Variants in FBXO28 observed in about 807,000 individuals in gnomAD.
The protein encoded by FBXO28 is F-box only protein 28.
Under a neutral mutation model 38.1 loss-of-function variants are expected in FBXO28, and 8 were observed. The observed-to-expected ratio is 0.21, with a 90% CI of 0.12 to 0.38. FBXO28 has a LOEUF of 0.38. Ranked by LOEUF, FBXO28 falls within the 10% of genes least tolerant of loss-of-function variation. The probability of loss-of-function intolerance (pLI) is 1.00; values close to 1 mark genes in which losing one functional copy is unlikely to be tolerated. For missense variants in FBXO28, 345 were observed against 460.6 expected (o/e 0.75, Z 2.30); for synonymous variants, 168 against 173.8 (o/e 0.97, Z 0.26).
intron 3 of FBXO28, among the ~76,000 whole-genome samples, chr1:224,151,669 C>G (rs1277690168): frequency 1.3e-5 from 2 of 152,124 alleles, no homozygotes; most frequent in African/African-American, 4.8e-5. Flanking sequence ...ATTTTGGTGA[C>G]AGAATGGTTT....
chr1:224,159,977 A>G lies in FBXO28; in HGVS notation c.*2231A>G, dbSNP rs2102640267. ...CAAAATCCAAATTTCTATTGCATAC[A>G]CTTATAATCATCTATTCATAAAGCT... On this transcript the variant is annotated 3_prime_UTR_variant, in exon 5 of 5. Coordinates refer to ENST00000366862, the MANE Select transcript of FBXO28 (RefSeq NM_015176.4). 6.6e-6 allele frequency: 1 copy of G among 152,346 alleles called. No homozygotes were observed. The highest frequency in any genetic ancestry group is 2.4e-5 in the African/African-American group (1 of 41,592). The allele number at this position is 152,346 out of a possible 1,614,324, so 9.4% of individuals were successfully genotyped here. A position where few individuals can be genotyped will look rare whatever the true frequency, so the allele number is the denominator to read the frequency against.
intron 4 of FBXO28, among the ~76,000 whole-genome samples, chr1:224,156,737 C>T (rs1241025413): frequency 1.3e-5 from 2 of 152,186 alleles, no homozygotes; most frequent in African/African-American, 2.4e-5. Flanking sequence ...CAGTGGCTCA[C>T]GCCTGTAATC....
intron 2 of FBXO28, 179 bp downstream of exon 2, chr1:224,130,760 A>C (rs1490728507): frequency 4.0e-6 from 2 of 499,754 alleles, no homozygotes; most frequent in African/African-American, 3.9e-5. Flanking sequence ...TCAACATTTT[A>C]CTGGAGGTTC....
intron 4 of FBXO28, among the ~76,000 whole-genome samples, chr1:224,155,427 A>C (rs1482485617): frequency 6.6e-6 from 1 of 152,068 alleles, no homozygotes; most frequent in Non-Finnish European, 1.5e-5. Context: ...GGCCTCCCAA[A>C]GTGCTGGGAT....
At chr1:224,153,875 C>T (rs1055819119) in intron 4 of FBXO28, among the ~76,000 whole-genome samples, 5 of 151,136 alleles carry the variant, frequency 3.3e-5, no homozygotes, top group African/African-American at 7.3e-5. Context: ...GAGCCAGATT[C>T]GCGCCATTGC....
chr1:224,133,940 A>C, intron 2 of FBXO28, 134 bp from the exon 3 acceptor site: 1 of 579,008 alleles, frequency 1.7e-6, no homozygotes, highest in Non-Finnish European at 2.7e-6. Context: ...ATTACAGTTA[A>C]ATTATGACCC....
chr1:224,148,842 T>G (rs1333880715), intron 3 of FBXO28, among the ~76,000 whole-genome samples: 1 of 23,716 alleles, frequency 4.2e-5, no homozygotes, highest in Non-Finnish European at 7.9e-5. Context: ...TAACTTCCCT[T>G]ACCTGTTGAA....
intron 1 of FBXO28, among the ~76,000 whole-genome samples, chr1:224,129,607 A>G (rs1656988679): frequency 6.6e-6 from 1 of 152,236 alleles, no homozygotes; most frequent in Non-Finnish European, 1.5e-5. Flanking sequence ...TAATGGGAAT[A>G]CATTCAGAAT....
At position 224,157,719 on chromosome 1, in the gene FBXO28, A is replaced by G. The variant is rs1445644819; in HGVS notation, c.1080A>G (p.Lys360=). ...CGGAAGCCATAGACTCTCTTAGGAA[A>G]TCTAAACGTCTTCGGAATAGAAAGT... ...KATEAIDSLR[K]SKRLRNRK is the part of the protein sequence containing the mutation. The change falls in exon 5 of 5, where the codon AAA becomes AAG. Residue 360 remains lysine (K), a synonymous_variant. Transcript: ENST00000366862. 16 of 1,605,554 alleles carry G rather than the reference A, an allele frequency of 1.0e-5. No individual in the cohort carries two copies. Among genetic ancestry groups the G allele is most frequent in the Middle Eastern group, 1.7e-4 (1 of 5,994 alleles).
chr1:224,119,680 T>G (rs1656728163), intron 1 of FBXO28, among the ~76,000 whole-genome samples: 1 of 152,142 alleles, frequency 6.6e-6, no homozygotes, highest in Non-Finnish European at 1.5e-5. Context: ...ATGGTAAATA[T>G]GAGTGTTGAG....
intron 3 of FBXO28, among the ~76,000 whole-genome samples, chr1:224,148,492 T>A (rs1165407849): frequency 2.0e-5 from 3 of 151,002 alleles, no homozygotes; most frequent in Non-Finnish European, 4.4e-5. Flanking sequence ...CTACTAAAAA[T>A]ACAAAAAAAA....
intron 3 of FBXO28, among the ~76,000 whole-genome samples, chr1:224,136,351 A>G (rs940510339): frequency 6.6e-6 from 1 of 151,932 alleles, no homozygotes; most frequent in Non-Finnish European, 1.5e-5. Context: ...TTTTCAGTCT[A>G]ACATATAATC....
At chr1:224,135,069 A>G (rs1657141857) in intron 3 of FBXO28, among the ~76,000 whole-genome samples, 1 of 152,174 alleles carries the variant, frequency 6.6e-6, no homozygotes, top group Non-Finnish European at 1.5e-5. Flanking sequence ...TTATGATTGT[A>G]TTTGAAATAT....
At chr1:224,150,176 T>G (rs1167186432) in intron 3 of FBXO28, among the ~76,000 whole-genome samples, 1 of 152,070 alleles carries the variant, frequency 6.6e-6, no homozygotes, top group Non-Finnish European at 1.5e-5. Context: ...ATACAAAAAT[T>G]AGCCAGGCTT....
intron 2 of FBXO28, among the ~76,000 whole-genome samples, chr1:224,133,606 C>T (rs745956809): frequency 3.3e-5 from 5 of 152,082 alleles, no homozygotes; most frequent in Non-Finnish European, 5.9e-5. Context: ...CAACCTCCGA[C>T]GCCCGGGTTC....
In FBXO28 at chr1:224,126,399, C is replaced by T. The variant is rs146909985; in HGVS notation, c.268-4073C>T. ...AATATATTGCTGCTAAAAATTATTTCTTCTCAGAAATTATCAACAAGGTTG... is the reference window on the plus strand; with the variant it reads ...AATATATTGCTGCTAAAAATTATTTTTTCTCAGAAATTATCAACAAGGTTG... On this transcript the variant is annotated intron_variant, in intron 1 of 4. Transcript: ENST00000366862. Among the ~76,000 whole-genome samples the T allele has an allele frequency of 1.1e-4, 16 of 152,296 alleles. No homozygotes were observed. In the East Asian group the frequency reaches 3.1e-3, roughly 29 times the overall value.
At chr1:224,127,210 TTA>T (rs1321162329) in intron 1 of FBXO28, among the ~76,000 whole-genome samples, 2 of 138,772 alleles carry the variant, frequency 1.4e-5, no homozygotes, top group Admixed American at 7.4e-5. Context: ...GTGTGTGTGT[TTA>T]TGTTTGGCAC....
rs546374248 is a variant in FBXO28, at chr1:224,120,750, C to A, written c.267+6354C>A. ...TGGTGGCGGGCACTTGTAATCCCAG[C>A]TACTCAGGAGGCTGAGGCAGGAGAA... On this transcript the variant is annotated intron_variant, in intron 1 of 4. Transcript: ENST00000366862. 7.2e-5 allele frequency among the ~76,000 whole-genome samples: 11 copies of A among 151,994 alleles called. No individual in the cohort carries two copies. The East Asian group carries it at 2.1e-3, about 29-fold the overall frequency.
rs981061294 is a variant in FBXO28 at position 224,137,830 on chromosome 1, A to G, written c.516+3618A>G. 1.6e-4 allele frequency among the ~76,000 whole-genome samples: 24 copies of G among 151,830 alleles called. 1 individual carries two copies. The highest frequency in any genetic ancestry group is 1.1e-3 in the Admixed American group (17 of 15,264). On this transcript the variant is annotated intron_variant, in intron 3 of 4. Transcript: ENST00000366862. ...TTCAAACCTACAGGTTACCTCTCCA[A>G]TTGCAGGCAAGCTAGATCATTGCCC...
Sources: gnomAD v4.1 joint callset for allele counts (sites outside exome capture counted in the v4.1 genomes callset) on GRCh38, gnomAD v4.1.1 for gene constraint, MANE v1.5 for transcripts, NCBI Gene and HGNC (gene_info 2026-07-23, HGNC 2026-07-21) for gene names.